The following CA10 variants were observed in gnomAD, a reference collection of about 807,000 sequenced individuals.
The protein encoded by CA10 is carbonic anhydrase-related protein 10.
A neutral mutation model predicts 44.2 loss-of-function variants in CA10; 14 were observed. The observed-to-expected ratio is 0.32, with a 90% CI of 0.21 to 0.50. The LOEUF is 0.50. Among genes scored for constraint, CA10 ranks in the 20% least tolerant of loss-of-function variants. CA10 has a pLI of 0.99. For synonymous variants in CA10, 159 were observed against 141.6 expected (o/e 1.12, Z -0.87); for missense variants, 350 against 409.7 (o/e 0.85, Z 1.26).
At chr17:51,969,882 AC>A (rs1984217990) in intron 2 of CA10, among the ~76,000 whole-genome samples, 1 of 151,940 alleles carries the variant, frequency 6.6e-6, no homozygotes, top group Non-Finnish European at 1.5e-5. Context: ...CTGAGAAACT[AC>A]CCTTTCTGCC....
chr17:51,845,698 A>G (rs1978463270), intron 3 of CA10, among the ~76,000 whole-genome samples: 3 of 152,118 alleles, frequency 2.0e-5, no homozygotes, highest in Admixed American at 2.0e-4. Flanking sequence ...TTATAACTTT[A>G]TTTCCACTCC....
At chr17:52,078,608 A>C (rs1301030778) in intron 1 of CA10, among the ~76,000 whole-genome samples, 1 of 152,224 alleles carries the variant, frequency 6.6e-6, no homozygotes, top group East Asian at 1.9e-4. Context: ...AAGTCTACTG[A>C]CCAGGAAACA....
At chr17:51,748,355 A>T in intron 3 of CA10, 1 of 369,950 alleles carries the variant, frequency 2.7e-6, no homozygotes, top group Non-Finnish European at 3.7e-6. Context: ...GAATCCTCAT[A>T]GCTTGTGGGC....
At chr17:51,688,112 G>A (rs56034441) in intron 4 of CA10, among the ~76,000 whole-genome samples, 21,611 of 152,172 alleles carry the variant, frequency 0.14, 1,801 homozygotes, top group East Asian at 0.28. Flanking sequence ...TGGGAAATGT[G>A]TGTGGTGAGG....
intron 1 of CA10, among the ~76,000 whole-genome samples, chr17:52,089,241 A>G (rs967883905): frequency 6.6e-6 from 1 of 152,190 alleles, no homozygotes; most frequent in Non-Finnish European, 1.5e-5. Context: ...TTGTGTCACT[A>G]TGTGTACACT....
chr17:51,945,866 T>C (rs1289946741), intron 2 of CA10, among the ~76,000 whole-genome samples: 2 of 152,112 alleles, frequency 1.3e-5, no homozygotes, highest in African/African-American at 4.8e-5. Flanking sequence ...TCATTGGTAC[T>C]TACGATCAGA....
intron 3 of CA10, among the ~76,000 whole-genome samples, chr17:51,877,915 C>T (rs1980151979): frequency 6.6e-6 from 1 of 151,898 alleles, no homozygotes; most frequent in South Asian, 2.1e-4. Context: ...GAGGCCGAGG[C>T]AGACGGATCA....
chr17:51,663,789 G>A (rs1445986305), intron 4 of CA10, among the ~76,000 whole-genome samples: 2 of 152,144 alleles, frequency 1.3e-5, no homozygotes, highest in Non-Finnish European at 2.9e-5. Context: ...GACGTGTTAA[G>A]TTCCATAGAT....
At chr17:51,761,765 C>T (rs911581933) in intron 3 of CA10, 11 of 152,220 alleles carry the variant, frequency 7.2e-5, no homozygotes, top group East Asian at 5.8e-4. Context: ...TTTGCTGTGC[C>T]GTGGAAGCAA....
At chr17:51,731,877 G>A (rs1314120425) in intron 4 of CA10, among the ~76,000 whole-genome samples, 1 of 151,974 alleles carries the variant, frequency 6.6e-6, no homozygotes, top group African/African-American at 2.4e-5. Context: ...GTTTCAACAT[G>A]TTGGCCAGGC....
chr17:51,822,491 C>G (rs982939959), intron 3 of CA10, among the ~76,000 whole-genome samples: 13 of 152,144 alleles, frequency 8.5e-5, no homozygotes, highest in Non-Finnish European at 8.8e-5. Context: ...ACCACACTCA[C>G]TCATTATTAC....
intron 3 of CA10, among the ~76,000 whole-genome samples, chr17:51,778,772 G>T (rs1410637876): frequency 2.0e-5 from 3 of 152,228 alleles, no homozygotes; most frequent in Non-Finnish European, 4.4e-5. Flanking sequence ...ATGCTAGAAG[G>T]TACAACAAAT....
intron 4 of CA10, among the ~76,000 whole-genome samples, chr17:51,741,315 T>C (rs769758199): frequency 6.6e-6 from 1 of 152,204 alleles, no homozygotes; most frequent in Non-Finnish European, 1.5e-5. Context: ...ACATTTGGGA[T>C]AGGGCTAGGT....
rs535088232 is a variant in CA10, at chr17:51,727,910, C to T, written c.465+19723G>A. ...AGACTTAAAAAAATTTTTTTAAGGA[C>T]GGGGTCTCACTGTCACCTATGCTGG... On this transcript the variant is annotated intron_variant, in intron 4 of 8. Coordinates refer to ENST00000451037, the MANE Select transcript of CA10 (RefSeq NM_020178.5). 2.8e-4 allele frequency among the ~76,000 whole-genome samples: 43 copies of T among 151,704 alleles called. No individual in the cohort carries two copies. In the South Asian group the frequency reaches 4.8e-3, roughly 17 times the overall value.
chr17:51,849,822 G>A (rs368452349), intron 3 of CA10, among the ~76,000 whole-genome samples: 17 of 152,212 alleles, frequency 1.1e-4, no homozygotes, highest in East Asian at 7.7e-4. Context: ...CTGTCATGCC[G>A]AGGGCTGTGA....
chr17:51,673,721 C>G (rs1313268558), intron 4 of CA10, among the ~76,000 whole-genome samples: 1 of 152,234 alleles, frequency 6.6e-6, no homozygotes, highest in Non-Finnish European at 1.5e-5. Flanking sequence ...TCTCCATAGC[C>G]ATTGTGATGG....
chr17:51,799,151 A>C (rs960045262), intron 3 of CA10, among the ~76,000 whole-genome samples: 1 of 152,154 alleles, frequency 6.6e-6, no homozygotes, highest in Non-Finnish European at 1.5e-5. Context: ...TCCCCAATTC[A>C]ATATGGTTCT....
At chr17:51,683,037 C>T (rs2143396614) in intron 4 of CA10, among the ~76,000 whole-genome samples, 1 of 152,262 alleles carries the variant, frequency 6.6e-6, no homozygotes, top group South Asian at 2.1e-4. Context: ...GTATTTTTAA[C>T]CATCACTTCA....
chr17:51,635,912 G>A lies in CA10; in HGVS notation c.732C>T (p.Cys244=), dbSNP rs771829261. 6 of 1,609,180 alleles carry A rather than the reference G, an allele frequency of 3.7e-6. No homozygotes were observed. The South Asian group carries it at 5.5e-5, about 15-fold the overall frequency. ...TTATGATCCAACTTGCTGTCTCATA[G>A]CAGGGTGGGATAGTCATCGACCCAT... The part of the protein sequence containing the change: ...TYDGSMTIPP[C]YETASWIIMN... Residue 244 remains cysteine, a synonymous_variant, in exon 7 of 9, where the codon TGC becomes TGT. Coordinates refer to ENST00000451037, the MANE Select transcript of CA10 (RefSeq NM_020178.5).
Sources: gnomAD v4.1 joint callset for allele counts (sites outside exome capture counted in the v4.1 genomes callset) on GRCh38, gnomAD v4.1.1 for gene constraint, MANE v1.5 for transcripts, NCBI Gene and HGNC (gene_info 2026-07-23, HGNC 2026-07-21) for gene names.